The following IKZF4 variants were observed in gnomAD, a reference collection of about 807,000 sequenced individuals.
IKZF4 encodes the protein IKAROS family zinc finger 4.
In IKZF4, 11 loss-of-function variants were observed where a neutral mutation model predicts 47.7. That is an observed-to-expected ratio of 0.23 (90% confidence interval 0.15 to 0.38). IKZF4 has a LOEUF of 0.38. IKZF4 is among the 10% of genes least tolerant of loss of function. The pLI is 1.00. For missense variants in IKZF4, 557 were observed against 784.9 expected, an observed-to-expected ratio of 0.71 and a Z score of 3.47; for synonymous variants, 298 against 299.4, an observed-to-expected ratio of 1.00 and a Z score of 0.05.
At chr12:56,028,410 G>A (rs1894378695) in intron 5 of IKZF4, among the ~76,000 whole-genome samples, 1 of 151,588 alleles carries the variant, frequency 6.6e-6, no homozygotes, top group Non-Finnish European at 1.5e-5. Context: ...GCAGGCACCT[G>A]TAGTCCCAGC....
At position 56,033,216 on chromosome 12, in the gene IKZF4, G is replaced by A; in HGVS notation, c.892G>A (p.Val298Met). The A allele has an allele frequency of 6.2e-7, 1 of 1,613,948 alleles. No individual in the cohort carries two copies. Among genetic ancestry groups the A allele is most frequent in the Non-Finnish European group, 8.5e-7 (1 of 1,179,870 alleles). Residue 298 changes from valine (V) to methionine (M), a missense_variant, in exon 7 of 8, where the codon GTG (valine) becomes ATG (methionine). Val to Met is a conservative substitution (Grantham distance 21). This residue lies in a region of IKZF4 where 72 missense variants were observed against 112.4 expected (regional missense o/e 0.64). Transcript: ENST00000547167. Reference sequence around the variant, plus strand: ...TGACGAAATACGTGACCTGGAGATGGTGCCAGACTCCATGCTGCACTCATC... The same window carrying A: ...TGACGAAATACGTGACCTGGAGATGATGCCAGACTCCATGCTGCACTCATC... ...PGDEIRDLEM[V>M]PDSMLHSSSE...
intron 5 of IKZF4, among the ~76,000 whole-genome samples, chr12:56,032,081 C>T (rs540526029): frequency 2.6e-5 from 4 of 152,206 alleles, no homozygotes; most frequent in Non-Finnish European, 5.9e-5. Flanking sequence ...TCATGCCAGC[C>T]CACCAGTTTC....
intron 5 of IKZF4, among the ~76,000 whole-genome samples, chr12:56,029,479 T>A (rs1038939849): frequency 1.3e-5 from 2 of 152,204 alleles, no homozygotes; most frequent in African/African-American, 4.8e-5. Context: ...CTTGGAAACT[T>A]TCCTGGCTAT....
chr12:56,020,856 A>T (rs1051083385), upstream of IKZF4: 1 of 844,134 alleles, frequency 1.2e-6, no homozygotes. Context: ...CTGGAGGAGG[A>T]GGGAAAGAGT....
At chr12:56,031,996 A>T (rs539092295) in intron 5 of IKZF4, among the ~76,000 whole-genome samples, 2 of 152,258 alleles carry the variant, frequency 1.3e-5, no homozygotes, top group East Asian at 3.9e-4. Flanking sequence ...CTAGGGCTGG[A>T]GGTCAAAATA....
Position 56,035,069 on chromosome 12 carries a change from C to G in IKZF4, c.1496C>G (p.Pro499Arg). The G allele has an allele frequency of 6.3e-7, 1 of 1,588,954 alleles. No individual in the cohort carries two copies. The highest frequency in any genetic ancestry group is 8.6e-7 in the Non-Finnish European group (1 of 1,167,172). ...RHSPAYAKED[P>R]KPQEGLLRGT... ...AGTCCTGCCTACGCCAAAGAGGACC[C>G]CAAGCCACAGGAGGGGTTATTGCGG... The change falls in exon 8 of 8, where the codon CCC becomes CGC. Residue 499 changes from proline (P) to arginine (R), a missense_variant. Transcript: ENST00000547167. This position sits in a 1 kb window ranked among gnomAD's most constrained non-coding sequence, Gnocchi z 6.1.
At chr12:56,028,378 A>C (rs34485293) in intron 5 of IKZF4, among the ~76,000 whole-genome samples, 13,678 of 151,252 alleles carry the variant, frequency 0.09, 731 homozygotes, top group African/African-American at 0.13. Flanking sequence ...ACAAAAAAAA[A>C]AAAAATTAGC....
chr12:56,012,076 A>G (rs1891385449), intron 2 of IKZF4, among the ~76,000 whole-genome samples: 1 of 152,044 alleles, frequency 6.6e-6, no homozygotes, highest in Admixed American at 6.6e-5. Flanking sequence ...GTTAATAACT[A>G]CTGCTCTCCA....
rs1464797226 is a variant in IKZF4, at chr12:56,036,242, C to T, written c.*911C>T. ...TAGGTCTGCAACCCTCTGTCTCTGA[C>T]AGATTGGGAGCCACAGGTGCCTAAT... On this transcript the variant is annotated 3_prime_UTR_variant, in exon 8 of 8. Coordinates refer to ENST00000547167, the MANE Select transcript of IKZF4 (RefSeq NM_022465.4). 2 of 152,580 alleles carry T rather than the reference C, an allele frequency of 1.3e-5. No individual in the cohort carries two copies. The highest frequency in any genetic ancestry group is 2.4e-5 in the African/African-American group (1 of 41,424). 9.5% of individuals were successfully genotyped at this position (152,580 alleles called of 1,614,324 possible).
At chr12:56,022,481 T>A (rs1015702873) in intron 1 of IKZF4, among the ~76,000 whole-genome samples, 7 of 152,118 alleles carry the variant, frequency 4.6e-5, no homozygotes, top group African/African-American at 1.7e-4. Flanking sequence ...ACTTTTGAGA[T>A]TCCCTCACTG....
At position 56,015,129 on chromosome 12, in the gene IKZF4, T is replaced by C. The variant is rs566995855; in HGVS notation, c.-213-2997T>C. Among the ~76,000 whole-genome samples, 582 of 152,150 alleles carry C rather than the reference T, an allele frequency of 3.8e-3. 5 individuals carry two copies. The highest frequency in any genetic ancestry group is 0.015 in the South Asian group (72 of 4,820). ...CTTGCTCTTGTCGCCCAGGCTGGAG[T>C]GCAATGGCACGATCTCGGCTCACTG... On this transcript the variant is annotated intron_variant, in intron 2 of 11. Coordinates refer to the IKZF4 transcript ENST00000262032.
chr12:56,023,463 G>A (rs1473091750), intron 1 of IKZF4, among the ~76,000 whole-genome samples: 2 of 152,104 alleles, frequency 1.3e-5, no homozygotes, highest in Non-Finnish European at 2.9e-5. Flanking sequence ...TTCTGATTTC[G>A]GGCAACATTT....
upstream of IKZF4, among the ~76,000 whole-genome samples, chr12:56,020,135 T>C (rs1257860033): frequency 6.6e-6 from 1 of 152,244 alleles, no homozygotes; most frequent in African/African-American, 2.4e-5. Flanking sequence ...CAGGCCATCA[T>C]AGTTCTTCTG....
rs758002683 is a variant in IKZF4 at position 56,033,170 on chromosome 12, C to T, written c.866-20C>T. The T allele has an allele frequency of 8.1e-6, 13 of 1,613,320 alleles. No individual in the cohort carries two copies. The highest frequency in any genetic ancestry group is 1.3e-5 in the African/African-American group (1 of 74,898). On this transcript the variant is annotated intron_variant, in intron 6 of 7. Transcript: ENST00000547167. Reference sequence around the variant, plus strand: ...ACCCCTACTCAACTGCTACTACTGTCTCCACCTTCTTCCCACTAGGTGACG... The same window carrying T: ...ACCCCTACTCAACTGCTACTACTGTTTCCACCTTCTTCCCACTAGGTGACG...
chr12:56,023,902 ACATC>A (rs1293045127), intron 2 of IKZF4, 138 bp downstream of exon 2: 1 of 1,483,502 alleles, frequency 6.7e-7, no homozygotes, highest in African/African-American at 1.4e-5. Context: ...CTGTGTGCAC[ACATC>A]CATGCATGTT....
chr12:56,016,831 T>G (rs1892144999), upstream of IKZF4, among the ~76,000 whole-genome samples: 1 of 151,972 alleles, frequency 6.6e-6, no homozygotes, highest in Admixed American at 6.6e-5. Context: ...TGACCTGAGG[T>G]GATCCGCCCG....
At position 56,036,092 on chromosome 12, in the gene IKZF4, T is replaced by C. The variant is rs1419554785; in HGVS notation, c.*761T>C. The stretch of plus-strand genomic sequence containing the variant: ...TTCAGGATCTCCCTCTAGGATGTGA[T>C]AGATCTGGTCCCTCTCCTTGAACTA... On this transcript the variant is annotated 3_prime_UTR_variant, in exon 8 of 8. Coordinates refer to ENST00000547167, the MANE Select transcript of IKZF4 (RefSeq NM_022465.4). The C allele has an allele frequency of 1.3e-5, 2 of 152,602 alleles. No individual in the cohort carries two copies. Among genetic ancestry groups the C allele is most frequent in the Non-Finnish European group, 2.9e-5 (2 of 68,052 alleles). The allele number at this position is 152,602 out of a possible 1,614,324, so 9.5% of individuals were successfully genotyped here.
At chr12:56,026,586 G>T (rs1894039666) in intron 3 of IKZF4, among the ~76,000 whole-genome samples, 195 bp from the exon 4 acceptor site, 1 of 151,762 alleles carries the variant, frequency 6.6e-6, no homozygotes, top group Non-Finnish European at 1.5e-5. Context: ...CTACTCAGGA[G>T]GCTGAGGCAG....
At position 56,038,260 on chromosome 12, in the gene IKZF4, AAG is replaced by A. The variant is rs1287323282; in HGVS notation, c.*2932_*2933del. 1 of 152,068 alleles carries A rather than the reference AAG, an allele frequency of 6.6e-6. No homozygotes were observed. The highest frequency in any genetic ancestry group is 1.5e-5 in the Non-Finnish European group (1 of 67,980). The allele number at this position is 152,068 out of a possible 1,614,324, so 9.4% of individuals were successfully genotyped here. On this transcript the variant is annotated 3_prime_UTR_variant, in exon 8 of 8. Transcript: ENST00000547167. ...CTGATTCCCCTCCCCCCCTTTTTTA[AAG>A]AGTTTTTCTCCTTTCTCAAGGGGAG... is the stretch of plus-strand genomic sequence containing the variant.
Sources: gnomAD v4.1 joint callset for allele counts (sites outside exome capture counted in the v4.1 genomes callset) on GRCh38, gnomAD v4.1.1 for gene constraint, gnomAD v4.1.1 regional missense constraint, Gnocchi (gnomAD v3.1) non-coding constraint, MANE v1.5 for transcripts, NCBI Gene and HGNC (gene_info 2026-07-23, HGNC 2026-07-21) for gene names.